The following GALNTL6 variants were observed in gnomAD, a reference collection of about 807,000 sequenced individuals.
GALNTL6 encodes polypeptide N-acetylgalactosaminyltransferase-like 6.
Under a neutral mutation model 73.7 loss-of-function variants are expected in GALNTL6, and 46 were observed. The ratio of observed to expected loss-of-function variants is 0.62; its 90% CI spans 0.49 to 0.80. The LOEUF (loss-of-function observed/expected upper bound fraction) is 0.80. GALNTL6 is among the 30% of genes least tolerant of loss of function. GALNTL6 has a pLI of 0.00. For missense variants in GALNTL6, 604 were observed against 755.0 expected, an observed-to-expected ratio of 0.80 and a Z score of 2.34; for synonymous variants, 259 against 263.7, an observed-to-expected ratio of 0.98 and a Z score of 0.17.
chr4:172,683,775 T>G (rs931460455), intron 5 of GALNTL6, among the ~76,000 whole-genome samples: 3 of 152,218 alleles, frequency 2.0e-5, no homozygotes, highest in Non-Finnish European at 4.4e-5. Context: ...TATTCACAAC[T>G]AAGCAGACGG....
At chr4:172,894,122 G>T (rs148506061) in intron 8 of GALNTL6, among the ~76,000 whole-genome samples, 183 of 152,302 alleles carry the variant, frequency 1.2e-3, no homozygotes, top group African/African-American at 4.3e-3. Context: ...TTTCCTCTCA[G>T]TGGGAGAGGT....
At position 171,940,321 on chromosome 4, in the gene GALNTL6, A is replaced by C. The variant is rs181800825; in HGVS notation, c.138+125603A>C. Among the ~76,000 whole-genome samples the C allele has an allele frequency of 5.2e-3, 768 of 147,500 alleles. 17 individuals carry two copies. The highest frequency in any genetic ancestry group is 3.6e-3 in the Non-Finnish European group (245 of 67,844). ...GAAATGGGGAGGGGATGCAAATAAG[A>C]ATGTTGTATTCTTATTTGGGGATGC... On this transcript the variant is annotated intron_variant, in intron 2 of 12. Coordinates refer to ENST00000506823, the MANE Select transcript of GALNTL6 (RefSeq NM_001034845.3).
At chr4:172,572,118 A>T (rs1736784789) in intron 5 of GALNTL6, among the ~76,000 whole-genome samples, 1 of 152,166 alleles carries the variant, frequency 6.6e-6, no homozygotes, top group Non-Finnish European at 1.5e-5. Flanking sequence ...TCATCAGATC[A>T]CCTAATGCTG....
intron 7 of GALNTL6, among the ~76,000 whole-genome samples, chr4:172,821,471 A>G (rs1741924452): frequency 6.6e-6 from 1 of 152,184 alleles, no homozygotes; most frequent in African/African-American, 2.4e-5. Flanking sequence ...TTTCATAGTG[A>G]GTTCATAATA....
intron 2 of GALNTL6, among the ~76,000 whole-genome samples, chr4:172,083,387 C>A (rs534821474): frequency 2.0e-5 from 3 of 152,250 alleles, no homozygotes; most frequent in African/African-American, 4.8e-5. Context: ...CACTTAAATG[C>A]TAAAGTTTTT....
At chr4:172,170,412 G>GT (rs890239728) in intron 2 of GALNTL6, among the ~76,000 whole-genome samples, 6 of 151,460 alleles carry the variant, frequency 4.0e-5, no homozygotes, top group Non-Finnish European at 8.8e-5. Flanking sequence ...CGCCATGATT[G>GT]TAAGTTTCCT....
In GALNTL6 at chr4:172,069,099, C is replaced by T. The variant is rs546500136; in HGVS notation, c.139-160557C>T. ...CTAAAGAGACTCAGCAGAAATTCTC[C>T]CTTCCAGCTGGAGACTGAAGAACTC... On this transcript the variant is annotated intron_variant, in intron 2 of 12. Coordinates refer to ENST00000506823, the MANE Select transcript of GALNTL6 (RefSeq NM_001034845.3). Among the ~76,000 whole-genome samples the T allele has an allele frequency of 1.3e-4, 14 of 109,618 alleles. 2 individuals are homozygous for T. The highest frequency in any genetic ancestry group is 1.1e-3 in the Admixed American group (12 of 10,538). 71.9% of individuals were successfully genotyped at this position (109,618 alleles called of 152,430 possible). A position where few individuals can be genotyped will look rare whatever the true frequency, so the allele number is the denominator to read the frequency against.
intron 3 of GALNTL6, among the ~76,000 whole-genome samples, chr4:172,310,589 A>G (rs912228297): frequency 3.3e-5 from 5 of 152,138 alleles, no homozygotes; most frequent in African/African-American, 4.8e-5. Flanking sequence ...TAGTATTTCT[A>G]TAACTGCCTG....
intron 5 of GALNTL6, among the ~76,000 whole-genome samples, chr4:172,677,962 A>G (rs948693224): frequency 7.2e-5 from 11 of 152,192 alleles, no homozygotes; most frequent in African/African-American, 2.7e-4. Flanking sequence ...TTCAAATTGC[A>G]TTTAAGGAGC....
chr4:172,313,180 C>T (rs534392003), intron 4 of GALNTL6, among the ~76,000 whole-genome samples: 1 of 141,914 alleles, frequency 7.0e-6, no homozygotes, highest in South Asian at 2.4e-4. Context: ...GGCTGGAGTG[C>T]AGTGGCTTGA....
intron 7 of GALNTL6, among the ~76,000 whole-genome samples, chr4:172,827,510 G>A (rs1327047384): frequency 6.6e-6 from 1 of 152,142 alleles, no homozygotes; most frequent in East Asian, 1.9e-4. Flanking sequence ...ATCCCTCTAT[G>A]TTCTGGAATC....
chr4:172,359,074 A>T (rs886145851), intron 5 of GALNTL6, among the ~76,000 whole-genome samples: 2 of 152,192 alleles, frequency 1.3e-5, no homozygotes, highest in Non-Finnish European at 2.9e-5. Flanking sequence ...ATGAAGACAC[A>T]TGCACACAAA....
chr4:172,745,137 A>G (rs1737032043), intron 5 of GALNTL6, among the ~76,000 whole-genome samples: 1 of 151,892 alleles, frequency 6.6e-6, no homozygotes, highest in African/African-American at 2.4e-5. Context: ...CTCAAACAAT[A>G]GGGAAAGCTG....
At chr4:172,582,281 A>G (rs1579210442) in intron 5 of GALNTL6, among the ~76,000 whole-genome samples, 1 of 152,222 alleles carries the variant, frequency 6.6e-6, no homozygotes, top group Non-Finnish European at 1.5e-5. Context: ...CTTAATAACT[A>G]TGTGGCCTTG....
intron 2 of GALNTL6, among the ~76,000 whole-genome samples, chr4:172,084,785 A>G (rs573117666): frequency 7.9e-5 from 12 of 152,318 alleles, no homozygotes; most frequent in African/African-American, 2.6e-4. Context: ...TGAGTCATAT[A>G]CAGGTGATGA....
intron 2 of GALNTL6, among the ~76,000 whole-genome samples, chr4:172,161,852 A>G (rs1054882812): frequency 1.8e-4 from 28 of 152,072 alleles, no homozygotes; most frequent in Non-Finnish European, 1.8e-4. Context: ...ACGACAAGTC[A>G]GTAAAGATTG....
intron 5 of GALNTL6, among the ~76,000 whole-genome samples, chr4:172,396,940 TATATA>T (rs1162888718): frequency 6.6e-6 from 1 of 152,192 alleles, no homozygotes; most frequent in African/African-American, 2.4e-5. Flanking sequence ...TTAAAAATAA[TATATA>T]ATCTGTCCTT....
intron 5 of GALNTL6, among the ~76,000 whole-genome samples, chr4:172,532,452 G>C (rs990177509): frequency 6.6e-6 from 1 of 152,186 alleles, no homozygotes; most frequent in East Asian, 1.9e-4. Flanking sequence ...TGGAGTTCTA[G>C]TCTCCAGAAT....
At chr4:171,891,977 T>C (rs1253399278) in intron 2 of GALNTL6, among the ~76,000 whole-genome samples, 1 of 152,156 alleles carries the variant, frequency 6.6e-6, no homozygotes, top group African/African-American at 2.4e-5. Flanking sequence ...TGCTCACAAA[T>C]CCAAAACTTT....
Sources: allele counts gnomAD v4.1 joint callset (sites outside exome capture counted in the v4.1 genomes callset), GRCh38; gene constraint gnomAD v4.1.1; transcripts MANE v1.5; gene names NCBI Gene and HGNC (gene_info 2026-07-23, HGNC 2026-07-21).